DMD: variants seen among roughly 807,000 people sequenced by gnomAD.
The protein encoded by DMD is mutant dystrophin.
Under a neutral mutation model 330.1 loss-of-function variants are expected in DMD, and 63 were observed. The observed-to-expected ratio is 0.19, with a 90% CI of 0.16 to 0.24. The LOEUF (loss-of-function observed/expected upper bound fraction) is 0.24. DMD is among the 10% of genes least tolerant of loss of function. The probability of loss-of-function intolerance (pLI) is 1.00; values close to 1 mark genes in which losing one functional copy is unlikely to be tolerated. For synonymous variants in DMD, 1,223 were observed against 959.8 expected (o/e 1.27, Z -5.07); for missense variants, 3,344 against 2,684.1 (o/e 1.25, Z -5.43).
chrX:31,777,998 T>A (rs1166771350), intron 50 of DMD, among the ~76,000 whole-genome samples: 1 of 112,198 alleles, frequency 8.9e-6, no homozygotes, highest in East Asian at 2.8e-4. Context: ...CATTCTCTCA[T>A]GAGCACAGGC....
chrX:31,706,459 TTTC>T (rs2084200453), intron 52 of DMD, among the ~76,000 whole-genome samples: 1 of 111,840 alleles, frequency 8.9e-6, no homozygotes, highest in Non-Finnish European at 1.9e-5. Context: ...CTAACCTGAT[TTTC>T]TTTTTTCCAA....
intron 44 of DMD, among the ~76,000 whole-genome samples, chrX:32,137,254 G>A (rs2096731173): frequency 9.0e-6 from 1 of 111,265 alleles, no homozygotes. Context: ...CATAGTTGGT[G>A]CCTCCTTTAC....
rs201818335 is a variant in DMD, at chrX:31,932,082, T to G, written c.6760A>C (p.Lys2254Gln). 25 of 1,209,287 alleles carry G rather than the reference T, an allele frequency of 2.1e-5. No homozygotes were observed. The highest frequency in any genetic ancestry group is 2.8e-5 in the Non-Finnish European group (25 of 894,861). Residue 2254 changes from lysine (K) to glutamine (Q), a missense_variant and splice_region_variant, in exon 46 of 79, where the codon AAG becomes CAG. Physicochemically the swap from Lys to Gln is moderately conservative, Grantham distance 53. Transcript: ENST00000357033. ...QQLKEKLEQV[K>Q]LLVEELPLRQ... ...GGGATTTGAGAAAATAAAATTACCT[T>G]GACTTGCTCAAGCTTTTCTTTTAGT...
intron 37 of DMD, among the ~76,000 whole-genome samples, chrX:32,358,793 A>C (rs2097818419): frequency 9.0e-6 from 1 of 111,231 alleles, no homozygotes; most frequent in Admixed American, 9.6e-5. Context: ...TTTTTGTCTC[A>C]ACCCCCCAGA....
chrX:32,914,516 C>G (rs1017075243), intron 2 of DMD, among the ~76,000 whole-genome samples: 1 of 112,065 alleles, frequency 8.9e-6, no homozygotes, highest in Admixed American at 9.4e-5. Flanking sequence ...GTGGGTACAG[C>G]CTTTGGATTT....
At chrX:32,607,768 G>A (rs954044195) in intron 12 of DMD, among the ~76,000 whole-genome samples, 10 of 110,129 alleles carry the variant, frequency 9.1e-5, no homozygotes, top group Non-Finnish European at 1.9e-4. Flanking sequence ...TCCCTAAAAT[G>A]CATTTTAAAA....
At chrX:32,676,860 C>T (rs753699524) in intron 9 of DMD, among the ~76,000 whole-genome samples, 1 of 110,844 alleles carries the variant, frequency 9.0e-6, no homozygotes, top group Non-Finnish European at 1.9e-5. Flanking sequence ...AATCATTGTC[C>T]GTAATTAGAA....
intron 56 of DMD, among the ~76,000 whole-genome samples, chrX:31,499,826 T>A (rs1208656881): frequency 1.8e-5 from 2 of 111,413 alleles, no homozygotes; most frequent in Non-Finnish European, 3.8e-5. Context: ...AAGAGAAACT[T>A]AATAGCATGA....
At chrX:32,322,808 T>C (rs1025359686) in intron 41 of DMD, among the ~76,000 whole-genome samples, 1 of 111,295 alleles carries the variant, frequency 9.0e-6, no homozygotes, top group Non-Finnish European at 1.9e-5. Context: ...TGGAAGACAA[T>C]TGTTCATAAC....
chrX:33,220,991 A>G (rs2052163631), intron 1 of DMD, among the ~76,000 whole-genome samples: 1 of 112,080 alleles, frequency 8.9e-6, no homozygotes, highest in Non-Finnish European at 1.9e-5. Context: ...AAAGAAATTT[A>G]TGATCCAGAT....
At chrX:32,823,834 A>G (rs1203805702) in intron 4 of DMD, among the ~76,000 whole-genome samples, 1 of 111,370 alleles carries the variant, frequency 9.0e-6, no homozygotes, top group Non-Finnish European at 1.9e-5. Context: ...AATGGAGCAA[A>G]CTGCCAGCTC....
At chrX:32,259,163 A>G (rs923671841) in intron 43 of DMD, among the ~76,000 whole-genome samples, 5 of 109,717 alleles carry the variant, frequency 4.6e-5, no homozygotes, top group Non-Finnish European at 9.5e-5. Flanking sequence ...TGGCATTTAA[A>G]TATCTGTTAC....
intron 44 of DMD, among the ~76,000 whole-genome samples, chrX:32,110,080 T>C (rs1983067418): frequency 8.9e-6 from 1 of 111,828 alleles, no homozygotes; most frequent in Non-Finnish European, 1.9e-5. Context: ...AGATTCAGCG[T>C]TATACATTTT....
chrX:32,753,484 T>C (rs10522015), intron 7 of DMD, among the ~76,000 whole-genome samples: 12,728 of 111,158 alleles, frequency 0.11, 677 homozygotes, highest in Admixed American at 0.23. Flanking sequence ...AAAGATTTCC[T>C]ATTTGACCAC....
chrX:32,748,511 A>T (rs2070380049), intron 7 of DMD, among the ~76,000 whole-genome samples: 1 of 111,573 alleles, frequency 9.0e-6, no homozygotes, highest in African/African-American at 3.3e-5. Context: ...AAAGTTTGTG[A>T]TTTTAATAAT....
intron 7 of DMD, among the ~76,000 whole-genome samples, chrX:32,787,247 T>TGA (rs1214278194): frequency 5.5e-3 from 430 of 77,524 alleles, no homozygotes; most frequent in South Asian, 0.011. Context: ...TGTGTGTGTG[T>TGA]GAGAGAGAGA....
At chrX:32,828,959 T>C (rs1461798063) in intron 4 of DMD, among the ~76,000 whole-genome samples, 1 of 111,681 alleles carries the variant, frequency 9.0e-6, no homozygotes, top group Non-Finnish European at 1.9e-5. Context: ...TTAATTTCTA[T>C]ATGGTAGTTT....
chrX:33,016,204 A>T (rs1569549689), intron 2 of DMD, among the ~76,000 whole-genome samples: 1 of 111,386 alleles, frequency 9.0e-6, no homozygotes. Context: ...ATTTAGCCGG[A>T]GATAAGATAA....
chrX:31,150,506 T>C, intron 74 of DMD, among the ~76,000 whole-genome samples: 1 of 112,248 alleles, frequency 8.9e-6, no homozygotes, highest in East Asian at 2.8e-4. Context: ...TTTCTTCTAC[T>C]TGTGATAAAT....
Sources: allele counts gnomAD v4.1 joint callset (sites outside exome capture counted in the v4.1 genomes callset), GRCh38; gene constraint gnomAD v4.1.1; transcripts MANE v1.5; gene names NCBI Gene and HGNC (gene_info 2026-07-23, HGNC 2026-07-21).